Variants in OR2L13 observed in about 807,000 individuals in gnomAD.
OR2L13 encodes the protein olfactory receptor family 2 subfamily L member 13, also known as olfactory receptor 2L13.
OR2L13 carries 14 observed loss-of-function variants against 15.3 expected under a neutral mutation model. That is an observed-to-expected ratio of 0.91 (90% confidence interval 0.60 to 1.43). The LOEUF (loss-of-function observed/expected upper bound fraction) is 1.43, where lower values mean the gene tolerates loss of function less well. Ranked by LOEUF, OR2L13 falls within the 40% of genes most tolerant of loss-of-function variation. OR2L13 has a pLI of 0.00. For synonymous variants in OR2L13, 152 were observed against 142.9 expected, an observed-to-expected ratio of 1.06 and a Z score of -0.45; for missense variants, 367 against 387.9, an observed-to-expected ratio of 0.95 and a Z score of 0.45.
chr1:247,983,439 T>G, the OR2L13 span, among the ~76,000 whole-genome samples: 1 of 152,202 alleles, frequency 6.6e-6, no homozygotes, highest in African/African-American at 2.4e-5. Flanking sequence ...CACCTAGATA[T>G]ATACATTTTA....
chr1:248,009,164 A>T, the OR2L13 span, among the ~76,000 whole-genome samples: 2 of 152,150 alleles, frequency 1.3e-5, no homozygotes, highest in Admixed American at 6.5e-5. Flanking sequence ...AAAAGCTAGC[A>T]AAAGACAAGA....
chr1:248,081,376 G>T, the OR2L13 span, among the ~76,000 whole-genome samples: 1 of 152,030 alleles, frequency 6.6e-6, no homozygotes, highest in South Asian at 2.1e-4. Context: ...TGGAGATAAA[G>T]TTCATTCCGT....
At chr1:248,086,233 G>C in the OR2L13 span, among the ~76,000 whole-genome samples, 1 of 152,048 alleles carries the variant, frequency 6.6e-6, no homozygotes. Context: ...TGACATGATG[G>C]TGAAAGTCTA....
chr1:248,092,859 G>T (rs1407688397), upstream of OR2L13, among the ~76,000 whole-genome samples: 2 of 152,060 alleles, frequency 1.3e-5, no homozygotes, highest in Non-Finnish European at 2.9e-5. Flanking sequence ...GAAAGAAAAA[G>T]ATGCTCAATC....
At chr1:248,088,810 A>T in the OR2L13 span, among the ~76,000 whole-genome samples, 1 of 152,232 alleles carries the variant, frequency 6.6e-6, no homozygotes, top group African/African-American at 2.4e-5. Context: ...TCAAGTAGAC[A>T]TGTAAAGAAC....
the OR2L13 span, among the ~76,000 whole-genome samples, chr1:247,953,394 A>G: frequency 6.6e-6 from 1 of 152,228 alleles, no homozygotes; most frequent in African/African-American, 2.4e-5. Flanking sequence ...TGTGGATTTC[A>G]TAACATAGAC....
At chr1:248,047,004 C>T in the OR2L13 span, 2 of 152,138 alleles carry the variant, frequency 1.3e-5, no homozygotes, top group Non-Finnish European at 2.9e-5. Context: ...AATAACTGTA[C>T]TTTCTATAAC....
the OR2L13 span, among the ~76,000 whole-genome samples, chr1:248,015,608 G>C: frequency 4.6e-5 from 7 of 152,120 alleles, no homozygotes; most frequent in Non-Finnish European, 1.0e-4. Flanking sequence ...CAGAGTTTCA[G>C]AACTTTAGGA....
At chr1:247,942,571 C>A in the OR2L13 span, among the ~76,000 whole-genome samples, 1 of 152,032 alleles carries the variant, frequency 6.6e-6, no homozygotes, top group African/African-American at 2.4e-5. Context: ...ATTTGGTGTT[C>A]TAAATTTTCT....
chr1:248,044,522 G>A, the OR2L13 span, among the ~76,000 whole-genome samples: 1 of 84,964 alleles, frequency 1.2e-5, no homozygotes. Flanking sequence ...CGCCTTCCCC[G>A]GCCGGGCGCG....
chr1:247,973,997 T>A, the OR2L13 span, among the ~76,000 whole-genome samples: 1 of 152,198 alleles, frequency 6.6e-6, no homozygotes, highest in East Asian at 1.9e-4. Context: ...ATAGCAGCAC[T>A]ATTTACAATA....
chr1:248,077,139 T>C, the OR2L13 span, among the ~76,000 whole-genome samples: 2 of 152,096 alleles, frequency 1.3e-5, no homozygotes, highest in Non-Finnish European at 2.9e-5. Flanking sequence ...TGTGATAAAT[T>C]ACATTTATTG....
At chr1:247,954,442 A>T in the OR2L13 span, among the ~76,000 whole-genome samples, 1 of 152,170 alleles carries the variant, frequency 6.6e-6, no homozygotes, top group Non-Finnish European at 1.5e-5. Flanking sequence ...CACAAATTCA[A>T]CATAAGATCC....
the OR2L13 span, among the ~76,000 whole-genome samples, chr1:247,967,440 G>A: frequency 1.3e-5 from 2 of 152,076 alleles, no homozygotes; most frequent in South Asian, 2.1e-4. Flanking sequence ...TGTTGCTCAG[G>A]CTGGTTTCGA....
At chr1:248,025,284 T>C in the OR2L13 span, among the ~76,000 whole-genome samples, 5 of 146,600 alleles carry the variant, frequency 3.4e-5, no homozygotes, top group South Asian at 2.2e-4. Context: ...AAAAAGTGGG[T>C]GAAGGACATG....
chr1:248,061,529 T>A, the OR2L13 span: 1 of 1,613,842 alleles, frequency 6.2e-7, no homozygotes, highest in East Asian at 2.2e-5. Context: ...CTCACTCCAA[T>A]GCTCAACCCC....
At chr1:248,035,036 A>T in the OR2L13 span, among the ~76,000 whole-genome samples, 8 of 150,040 alleles carry the variant, frequency 5.3e-5, no homozygotes, top group African/African-American at 2.0e-4. Flanking sequence ...TTAAGATAAC[A>T]TATTTATCTT....
the OR2L13 span, chr1:248,042,065 T>C: frequency 6.6e-6 from 1 of 152,092 alleles, no homozygotes; most frequent in Non-Finnish European, 1.5e-5. Context: ...CCTATGTTTA[T>C]TGCGGCACTA....
At chr1:248,079,408 T>G in the OR2L13 span, among the ~76,000 whole-genome samples, 1 of 152,160 alleles carries the variant, frequency 6.6e-6, no homozygotes, top group Non-Finnish European at 1.5e-5. Context: ...CAATCTGAAT[T>G]TAAAAATTTC....
Sources: allele counts gnomAD v4.1 joint callset (sites outside exome capture counted in the v4.1 genomes callset), GRCh38; gene constraint gnomAD v4.1.1; transcripts MANE v1.5; gene names NCBI Gene and HGNC (gene_info 2026-07-23, HGNC 2026-07-21).